Variants in ZNF92 observed in about 807,000 individuals in gnomAD.
The protein encoded by ZNF92 is zinc finger protein 92, also known as epididymis luminal protein 203.
ZNF92 carries 11 observed loss-of-function variants against 12.4 expected under a neutral mutation model. The ratio of observed to expected loss-of-function variants is 0.89; its 90% CI spans 0.56 to 1.47. The LOEUF (loss-of-function observed/expected upper bound fraction) is 1.47. Among genes scored for constraint, ZNF92 ranks in the 40% most tolerant of loss-of-function variants. The probability of loss-of-function intolerance (pLI) is 0.00; values close to 1 mark genes in which losing one functional copy is unlikely to be tolerated. For synonymous variants in ZNF92, 206 were observed against 228.6 expected (o/e 0.90, Z 0.89); for missense variants, 622 against 681.0 (o/e 0.91, Z 0.96).
At chr7:65,392,763 C>T (rs537216508) in intron 3 of ZNF92, among the ~76,000 whole-genome samples, 8 of 152,004 alleles carry the variant, frequency 5.3e-5, no homozygotes, top group Admixed American at 1.3e-4. Flanking sequence ...CTCCACCTCC[C>T]GACCTCAGGT....
intron 1 of ZNF92, among the ~76,000 whole-genome samples, chr7:65,379,133 TC>T (rs1219886304): frequency 6.6e-6 from 1 of 151,798 alleles, no homozygotes; most frequent in African/African-American, 2.4e-5. Context: ...GTTATGGGAG[TC>T]CCCAGTTTTT....
chr7:65,381,555 A>C (rs1278298201), intron 1 of ZNF92, among the ~76,000 whole-genome samples: 1 of 151,562 alleles, frequency 6.6e-6, no homozygotes, highest in Non-Finnish European at 1.5e-5. Flanking sequence ...CCATTTATCG[A>C]TTTTTGCTTT....
At chr7:65,394,913 T>G (rs1383943721) in intron 3 of ZNF92, among the ~76,000 whole-genome samples, 1 of 152,158 alleles carries the variant, frequency 6.6e-6, no homozygotes, top group African/African-American at 2.4e-5. Flanking sequence ...CCCAAAATGC[T>G]GGGATTGCAG....
intron 3 of ZNF92, among the ~76,000 whole-genome samples, chr7:65,391,501 AT>A (rs1793707251): frequency 6.6e-6 from 1 of 152,074 alleles, no homozygotes; most frequent in Non-Finnish European, 1.5e-5. Context: ...TTACTTATAA[AT>A]TTAAGTTTGC....
At chr7:65,390,338 A>G (rs1271398692) in intron 3 of ZNF92, among the ~76,000 whole-genome samples, 1 of 152,052 alleles carries the variant, frequency 6.6e-6, no homozygotes, top group African/African-American at 2.4e-5. Context: ...AAGCATTGAC[A>G]TTGGCACAAT....
chr7:65,399,858 G>A lies in ZNF92; in HGVS notation c.1744G>A (p.Glu582Lys). ...TAACAAATCCTCAAATTATACTAAAGAGAAACTACAAACCTGAAAGATGTG... is the reference window on the plus strand; with the variant it reads ...TAACAAATCCTCAAATTATACTAAAAAGAAACTACAAACCTGAAAGATGTG... ...AFNKSSNYTK[E>K]KLQT The change falls in exon 4 of 4, where the codon GAG becomes AAG. Residue 582 changes from glutamate to lysine, a missense_variant. Physicochemically the swap from Glu to Lys is moderately conservative, Grantham distance 56 (BLOSUM62 1). Coordinates refer to ENST00000328747, the MANE Select transcript of ZNF92 (RefSeq NM_152626.4). 1 of 1,578,066 alleles carries A rather than the reference G, an allele frequency of 6.3e-7. No individual in the cohort carries two copies. The highest frequency in any genetic ancestry group is 8.6e-7 in the Non-Finnish European group (1 of 1,164,524).
intron 1 of ZNF92, among the ~76,000 whole-genome samples, chr7:65,382,669 A>G (rs1202083921): frequency 6.6e-6 from 1 of 152,122 alleles, no homozygotes; most frequent in East Asian, 1.9e-4. Context: ...CCGTTAGAGT[A>G]ACATGCATGC....
chr7:65,399,829 C>G lies in ZNF92; in HGVS notation c.1715C>G (p.Ala572Gly), dbSNP rs1584295392. The G allele has an allele frequency of 3.1e-6, 5 of 1,599,050 alleles. No homozygotes were observed. Among genetic ancestry groups the G allele is most frequent in the Admixed American group, 1.8e-5 (1 of 56,392 alleles). The change falls in exon 4 of 4, where the codon GCC (alanine) becomes GGC (glycine). Residue 572 changes from alanine (A) to glycine (G), a missense_variant. Transcript: ENST00000328747. Reference protein sequence around the residue: ...EKPCKHECGRAFNKSSNYTKE... With the variant: ...EKPCKHECGRGFNKSSNYTKE... ...CCCTGCAAACATGAATGTGGCAGAGCCTTTAACAAATCCTCAAATTATACT... is the reference window on the plus strand; with the variant it reads ...CCCTGCAAACATGAATGTGGCAGAGGCTTTAACAAATCCTCAAATTATACT...
intron 1 of ZNF92, 79 bp from the exon 2 acceptor site, chr7:65,387,823 C>T (rs1248642242): frequency 4.1e-6 from 6 of 1,454,096 alleles, no homozygotes; most frequent in Non-Finnish European, 5.5e-6. Flanking sequence ...TTTCATTTCA[C>T]CTTAAGTCAA....
At position 65,379,360 on chromosome 7, in the gene ZNF92, G is replaced by A. The variant is rs150739006; in HGVS notation, c.3+5360G>A. On this transcript the variant is annotated intron_variant, in intron 1 of 3. Coordinates refer to ENST00000328747, the MANE Select transcript of ZNF92 (RefSeq NM_152626.4). Reference sequence around the variant, plus strand: ...AGAAGAAAGATATCACGGAGGCCTGGCCTGGAATGGAACTCTGGGTGTCTG... The same window carrying A: ...AGAAGAAAGATATCACGGAGGCCTGACCTGGAATGGAACTCTGGGTGTCTG... Among the ~76,000 whole-genome samples, 49 of 152,182 alleles carry A rather than the reference G, an allele frequency of 3.2e-4. 1 individual carries two copies. Among genetic ancestry groups the A allele is most frequent in the African/African-American group, 1.2e-3 (48 of 41,526 alleles).
intron 1 of ZNF92, among the ~76,000 whole-genome samples, chr7:65,386,231 G>A (rs34195046): frequency 0.023 from 3,564 of 152,008 alleles, 65 homozygotes; most frequent in Middle Eastern, 0.051. Flanking sequence ...TGTTGACCAG[G>A]CTGGTCTCGA....
intron 3 of ZNF92, among the ~76,000 whole-genome samples, chr7:65,390,650 G>C (rs769409523): frequency 3.9e-5 from 6 of 152,088 alleles, no homozygotes; most frequent in Non-Finnish European, 7.4e-5. Context: ...TTCTGTAGTC[G>C]GGTCTGCATA....
chr7:65,400,741 A>G lies in ZNF92; in HGVS notation c.*866A>G, dbSNP rs1162687265. On this transcript the variant is annotated 3_prime_UTR_variant, in exon 4 of 4. Coordinates refer to ENST00000328747, the MANE Select transcript of ZNF92 (RefSeq NM_152626.4). ...TTACAGATTTTTTGAAAAGCAATTG[A>G]TGTAATTTAACTCTCAAATTCATGT... 2 of 151,968 alleles carry G rather than the reference A, an allele frequency of 1.3e-5. No homozygotes were observed. The allele number at this position is 151,968 out of a possible 1,614,324, so 9.4% of individuals were successfully genotyped here.
chr7:65,394,709 G>T (rs1793804229), intron 3 of ZNF92, among the ~76,000 whole-genome samples: 1 of 151,910 alleles, frequency 6.6e-6, no homozygotes, highest in African/African-American at 2.4e-5. Context: ...GAATGCAATG[G>T]CTGGTGCGAT....
chr7:65,377,712 T>G (rs59672155), intron 1 of ZNF92, among the ~76,000 whole-genome samples: 42,092 of 151,524 alleles, frequency 0.28, 7,671 homozygotes, highest in African/African-American at 0.49. Context: ...GACTACAGGC[T>G]CGTGCCACCA....
intron 1 of ZNF92, 66 bp downstream of exon 1, chr7:65,374,066 C>T: frequency 6.2e-7 from 1 of 1,608,408 alleles, no homozygotes; most frequent in Admixed American, 1.7e-5. Flanking sequence ...TTGGAAGTGG[C>T]TGTGGCGGGC....
chr7:65,387,562 G>T (rs112041315), intron 1 of ZNF92, among the ~76,000 whole-genome samples: 76 of 152,168 alleles, frequency 5.0e-4, no homozygotes, highest in African/African-American at 1.7e-3. Flanking sequence ...ATTAAAATTT[G>T]AGAGGTCACT....
chr7:65,384,301 A>G (rs113825711), intron 1 of ZNF92, among the ~76,000 whole-genome samples: 74 of 152,210 alleles, frequency 4.9e-4, no homozygotes, highest in African/African-American at 1.7e-3. Context: ...AGTGGCATAG[A>G]GAGCAGAATT....
intron 1 of ZNF92, among the ~76,000 whole-genome samples, chr7:65,374,986 A>G (rs1251228738): frequency 1.3e-5 from 2 of 152,026 alleles, no homozygotes; most frequent in Non-Finnish European, 2.9e-5. Context: ...TGTTTCCTTT[A>G]GTGTACATTT....
Sources: gnomAD v4.1 joint callset for allele counts (sites outside exome capture counted in the v4.1 genomes callset) on GRCh38, gnomAD v4.1.1 for gene constraint, MANE v1.5 for transcripts, NCBI Gene and HGNC (gene_info 2026-07-23, HGNC 2026-07-21) for gene names.